The following KCTD13 variants were observed in gnomAD, a reference collection of about 807,000 sequenced individuals.
KCTD13 encodes BTB/POZ domain-containing adapter for CUL3-mediated RhoA degradation protein 1.
In KCTD13, 15 loss-of-function variants were observed where a neutral mutation model predicts 32.3. The ratio of observed to expected loss-of-function variants is 0.46; its 90% CI spans 0.31 to 0.71. The LOEUF is 0.71. Among genes scored for constraint, KCTD13 ranks in the 30% least tolerant of loss-of-function variants. The pLI is 0.05. For synonymous variants in KCTD13, 189 were observed against 200.1 expected, an observed-to-expected ratio of 0.94 and a Z score of 0.47; for missense variants, 337 against 452.6, an observed-to-expected ratio of 0.74 and a Z score of 2.32.
rs148088476 is a variant in KCTD13 at position 29,912,687 on chromosome 16, G to A, written c.415-638C>T. ...ACTCCCGAACTCAGGTGATCAGCCC[G>A]CCTCAGCCTCCCAAAGTGCTGGGAT... On this transcript the variant is annotated intron_variant, in intron 2 of 5. Transcript: ENST00000568000. Among the ~76,000 whole-genome samples, 660 of 152,304 alleles carry A rather than the reference G, an allele frequency of 4.3e-3. 3 individuals are homozygous for A. The highest frequency in any genetic ancestry group is 0.015 in the African/African-American group (644 of 41,564).
At chr16:29,922,420 G>A (rs2068929941) in intron 2 of KCTD13, 1 of 152,138 alleles carries the variant, frequency 6.6e-6, no homozygotes, top group Non-Finnish European at 1.5e-5. Flanking sequence ...AGAATAACAG[G>A]CTTTATGTAA....
chr16:29,908,371 T>A (rs1474875320), intron 5 of KCTD13, among the ~76,000 whole-genome samples: 1 of 152,140 alleles, frequency 6.6e-6, no homozygotes, highest in South Asian at 2.1e-4. Context: ...ACTGTTTTTT[T>A]AATTTTTTAT....
rs777791886 is a variant in KCTD13 at position 29,910,941 on chromosome 16, C to T, written c.753+37G>A. On this transcript the variant is annotated intron_variant, in intron 5 of 5. Transcript: ENST00000568000. ...TGTCCAGGGTCCTGGTCCTGGCCAC[C>T]CCCAGCCCCCAACATAGGCTCTGGA... 1.4e-5 allele frequency: 23 copies of T among 1,587,044 alleles called. No homozygotes were observed. The South Asian group carries it at 2.2e-4, about 15-fold the overall frequency.
intron 2 of KCTD13, chr16:29,922,735 A>C: frequency 5.5e-6 from 2 of 362,378 alleles, no homozygotes; most frequent in Non-Finnish European, 9.8e-6. Flanking sequence ...AAAAAGAATT[A>C]GAAAGCTCCT....
At position 29,923,371 on chromosome 16, in the gene KCTD13, G is replaced by C; in HGVS notation, c.245-12C>G. 1 of 1,610,158 alleles carries C rather than the reference G, an allele frequency of 6.2e-7. No homozygotes were observed. Among genetic ancestry groups the C allele is most frequent in the Non-Finnish European group, 8.5e-7 (1 of 1,177,548 alleles). On this transcript the variant is annotated splice_polypyrimidine_tract_variant and intron_variant, in intron 1 of 5. Coordinates refer to ENST00000568000, the MANE Select transcript of KCTD13 (RefSeq NM_178863.5). Reference sequence around the variant, plus strand: ...AATCAGCACCCAACCTAGTGGGGTGGGGAGAGGCAGGGGGAAAGATGGCTT... The same window carrying C: ...AATCAGCACCCAACCTAGTGGGGTGCGGAGAGGCAGGGGGAAAGATGGCTT...
At chr16:29,925,102 C>T (rs1027538164) in intron 1 of KCTD13, among the ~76,000 whole-genome samples, 1 of 152,118 alleles carries the variant, frequency 6.6e-6, no homozygotes, top group African/African-American at 2.4e-5. Flanking sequence ...TTAACCCCTC[C>T]CTTAAGACTC....
rs1323161728 is a variant in KCTD13 at position 29,912,317 on chromosome 16, T to C, written c.415-268A>G. Reference sequence around the variant, plus strand: ...TGCCCGGGATGCTTCTTTGCTCAGCTGTCAGCGTGGCGTGTCCGTCATGCC... The same window carrying C: ...TGCCCGGGATGCTTCTTTGCTCAGCCGTCAGCGTGGCGTGTCCGTCATGCC... On this transcript the variant is annotated intron_variant, in intron 2 of 5. Coordinates refer to ENST00000568000, the MANE Select transcript of KCTD13 (RefSeq NM_178863.5). The C allele has an allele frequency of 4.8e-5, 26 of 541,304 alleles. No homozygotes were observed. The East Asian group carries it at 8.7e-4, about 18-fold the overall frequency. The allele number at this position is 541,304 out of a possible 1,614,324, so 33.5% of individuals were successfully genotyped here.
At chr16:29,923,861 A>G (rs1261251072) in intron 1 of KCTD13, among the ~76,000 whole-genome samples, 2 of 150,712 alleles carry the variant, frequency 1.3e-5, no homozygotes, top group Non-Finnish European at 3.0e-5. Context: ...TCTCAAAACA[A>G]AAAAATAAAA....
At chr16:29,925,704 G>C in intron 1 of KCTD13, 86 bp downstream of exon 1, 2 of 1,364,940 alleles carry the variant, frequency 1.5e-6, no homozygotes, top group Non-Finnish European at 2.0e-6. Context: ...AGAGAGAAGG[G>C]GCATGAGGAG....
intron 2 of KCTD13, among the ~76,000 whole-genome samples, chr16:29,919,248 C>T (rs759541150): frequency 1.9e-4 from 29 of 151,942 alleles, no homozygotes; most frequent in Non-Finnish European, 3.5e-4. Flanking sequence ...AAGCCAGCAT[C>T]GTGAGGAAAA....
intron 2 of KCTD13, chr16:29,913,321 G>C (rs747816974): frequency 7.2e-5 from 11 of 152,090 alleles, no homozygotes; most frequent in Non-Finnish European, 1.0e-4. Flanking sequence ...CCACAACAGT[G>C]AGAACGGTAT....
In KCTD13 at chr16:29,911,946, C is replaced by A; in HGVS notation, c.504+14G>T. On this transcript the variant is annotated intron_variant, in intron 3 of 5. Coordinates refer to ENST00000568000, the MANE Select transcript of KCTD13 (RefSeq NM_178863.5). ...CCCAGTGAGCCTCCACCCTGCAGGG[C>A]TTGGGGGCCTCACCTTGGAGGTGCT... is the stretch of plus-strand genomic sequence containing the variant. 2.5e-6 allele frequency: 4 copies of A among 1,610,374 alleles called. No individual in the cohort carries two copies. Among genetic ancestry groups the A allele is most frequent in the Non-Finnish European group, 3.4e-6 (4 of 1,178,666 alleles).
intron 5 of KCTD13, 54 bp from the exon 6 acceptor site, chr16:29,907,162 C>G: frequency 7.7e-7 from 1 of 1,293,006 alleles, no homozygotes; most frequent in Non-Finnish European, 1.1e-6. Flanking sequence ...TCACGCAGGG[C>G]CATCCCCCTG....
At chr16:29,925,765 G>A (rs1238713423) in intron 1 of KCTD13, 25 bp downstream of exon 1, 1 of 1,609,256 alleles carries the variant, frequency 6.2e-7, no homozygotes, top group Non-Finnish European at 8.5e-7. Flanking sequence ...CTGGGGTGGG[G>A]GCACGGTAGG....
Position 29,926,159 on chromosome 16 carries a change from G to A in KCTD13, c.-126C>T. 8.8e-7 allele frequency: 1 copy of A among 1,138,992 alleles called. No individual in the cohort carries two copies. Among genetic ancestry groups the A allele is most frequent in the Non-Finnish European group, 1.2e-6 (1 of 854,518 alleles). 70.6% of individuals were successfully genotyped at this position (1,138,992 alleles called of 1,614,324 possible). ...TCGGCGCACACGCCCACTCACCGCA[G>A]CTACTCTGCAAGACCGGCCCTCCGC... is the stretch of plus-strand genomic sequence containing the variant. On this transcript the variant is annotated 5_prime_UTR_variant, in exon 1 of 6. Transcript: ENST00000568000.
intron 2 of KCTD13, among the ~76,000 whole-genome samples, chr16:29,918,481 T>C (rs908294049): frequency 1.3e-5 from 2 of 152,158 alleles, no homozygotes; most frequent in Non-Finnish European, 2.9e-5. Context: ...TATTTATTCA[T>C]TTATTTTGAG....
At chr16:29,911,279 G>C in intron 4 of KCTD13, 106 bp from the exon 5 acceptor site, 2 of 876,346 alleles carry the variant, frequency 2.3e-6, no homozygotes. Context: ...CCTGCCCAGG[G>C]CTTTGGTGCT....
At position 29,923,318 on chromosome 16, in the gene KCTD13, T is replaced by C. The variant is rs369680799; in HGVS notation, c.286A>G (p.Ile96Val). The C allele has an allele frequency of 1.4e-5, 23 of 1,614,054 alleles. No homozygotes were observed. The highest frequency in any genetic ancestry group is 3.3e-5 in the Admixed American group (2 of 60,012). ...GACCCATCCCGCAGGTAATTGAGGA[T>C]TGTACCAAAGTGACGGCCGCTCCGG... Reference protein sequence around the residue: ...IDRSGRHFGTILNYLRDGSVP... With the variant: ...IDRSGRHFGTVLNYLRDGSVP... Residue 96 changes from isoleucine to valine, a missense_variant, in exon 2 of 6, where the codon ATC becomes GTC. This residue lies in a region of KCTD13 where 252 missense variants were observed against 340.2 expected (regional missense o/e 0.74). Transcript: ENST00000568000.
At chr16:29,912,293 G>T in intron 2 of KCTD13, 1 of 562,476 alleles carries the variant, frequency 1.8e-6, no homozygotes, top group South Asian at 2.3e-5. Flanking sequence ...CTGTGCCCCT[G>T]CCCGGGATGC....
Sources: gnomAD v4.1 joint callset for allele counts (sites outside exome capture counted in the v4.1 genomes callset) on GRCh38, gnomAD v4.1.1 for gene constraint, gnomAD v4.1.1 regional missense constraint, MANE v1.5 for transcripts, NCBI Gene and HGNC (gene_info 2026-07-23, HGNC 2026-07-21) for gene names.